TYMP: variants seen among roughly 807,000 people sequenced by gnomAD.
TYMP encodes gliostatin.
In TYMP, 46 loss-of-function variants were observed where a neutral mutation model predicts 42.3. The observed-to-expected ratio is 1.09, with a 90% CI of 0.86 to 1.39. The LOEUF (loss-of-function observed/expected upper bound fraction) is 1.39. Among genes scored for constraint, TYMP ranks in the 40% most tolerant of loss-of-function variants. TYMP has a pLI of 0.00. For synonymous variants in TYMP, 363 were observed against 308.0 expected (o/e 1.18, Z -1.87); for missense variants, 837 against 677.6 (o/e 1.24, Z -2.61).
Position 50,525,982 on chromosome 22 carries a change from G to A in TYMP, c.1300+19C>T. 1 of 1,398,290 alleles carries A rather than the reference G, an allele frequency of 7.2e-7. No homozygotes were observed. The highest frequency in any genetic ancestry group is 9.2e-7 in the Non-Finnish European group (1 of 1,082,562). 86.6% of individuals were successfully genotyped at this position (1,398,290 alleles called of 1,614,324 possible). A position where few individuals can be genotyped will look rare whatever the true frequency, so the allele number is the denominator to read the frequency against. ...GCTGGGCGGGGGTGCGGGGCCAGCA[G>A]GGCGGGGGCGGCGCTCACCACGGCG... On this transcript the variant is annotated intron_variant, in intron 9 of 9. Transcript: ENST00000252029.
intron 3 of TYMP, 83 bp downstream of exon 3, chr22:50,529,053 T>A (rs2069493618): frequency 6.9e-7 from 1 of 1,442,144 alleles, no homozygotes; most frequent in South Asian, 1.2e-5. Flanking sequence ...TGGGCCAGGC[T>A]TGAGGTTGGG....
Position 50,525,929 on chromosome 22 carries a change from A to G in TYMP, c.1301-11T>C. 2 of 1,465,300 alleles carry G rather than the reference A, an allele frequency of 1.4e-6. No homozygotes were observed. Among genetic ancestry groups the G allele is most frequent in the Non-Finnish European group, 9.0e-7 (1 of 1,112,740 alleles). The allele number at this position is 1,465,300 out of a possible 1,614,324, so 90.8% of individuals were successfully genotyped here. A position where few individuals can be genotyped will look rare whatever the true frequency, so the allele number is the denominator to read the frequency against. ...GGAGCCAGGGGGTCCCTGCAGAGCG[A>G]GGGGCTGTTAGAGGCCGCGCGGCCG... On this transcript the variant is annotated splice_polypyrimidine_tract_variant and intron_variant, in intron 9 of 9. Transcript: ENST00000252029.
chr22:50,529,253 C>T lies in TYMP; in HGVS notation c.300G>A (p.Gln100=), dbSNP rs2148682801. Residue 100 remains glutamine (Q), a synonymous_variant, in exon 3 of 10, where the codon CAG becomes CAA. Transcript: ENST00000252029. ...VLTQALAQSG[Q]QLEWPEAWRQ... is the part of the protein sequence containing the mutation. ...GCCAGGCCTCTGGCCACTCCAGCTG[C>T]TGTCCCGACTGAGCCAGGGCCTGGG... 1 of 1,613,324 alleles carries T rather than the reference C, an allele frequency of 6.2e-7. No homozygotes were observed. The highest frequency in any genetic ancestry group is 1.1e-5 in the South Asian group (1 of 91,088).
chr22:50,528,480 T>C (rs1182708208), intron 4 of TYMP, 32 bp downstream of exon 4: 1 of 1,570,172 alleles, frequency 6.4e-7, no homozygotes, highest in Non-Finnish European at 8.8e-7. Flanking sequence ...ATCATCAACC[T>C]GGATTAATGA....
chr22:50,525,979 G>A, intron 9 of TYMP, 22 bp downstream of exon 9: 2 of 1,390,976 alleles, frequency 1.4e-6, no homozygotes, highest in Non-Finnish European at 1.9e-6. Flanking sequence ...TGCGGGGCCA[G>A]CAGGGCGGGG....
Position 50,526,495 on chromosome 22 carries a change from CTTAGGCGCGGCCGG to C in TYMP, c.929-33_929-20del. 2 of 1,516,992 alleles carry C rather than the reference CTTAGGCGCGGCCGG, an allele frequency of 1.3e-6. No individual in the cohort carries two copies. Among genetic ancestry groups the C allele is most frequent in the Non-Finnish European group, 1.8e-6 (2 of 1,136,888 alleles). 94.0% of individuals were successfully genotyped at this position (1,516,992 alleles called of 1,614,324 possible). A position where few individuals can be genotyped will look rare whatever the true frequency, so the allele number is the denominator to read the frequency against. ...GCGCCCCCTGCGGGCGGGGACGGGT[CTTAGGCGCGGCCGG>C]GTCGGGGCGGCCCCAGCGGGAAGCA... On this transcript the variant is annotated intron_variant, in intron 7 of 9. Coordinates refer to ENST00000252029, the MANE Select transcript of TYMP (RefSeq NM_001953.5).
chr22:50,527,057 G>A, intron 6 of TYMP, 108 bp downstream of exon 6: 1 of 918,122 alleles, frequency 1.1e-6, no homozygotes, highest in Non-Finnish European at 1.8e-6. Context: ...GGTGGGACTG[G>A]GGTTAGGCAG....
rs758816157 is a variant in TYMP at position 50,526,758 on chromosome 22, C to T, written c.766-20G>A. ...GCCAACCTGCGGAGAGGAGGCTCAG[C>T]GTGGACCCCCCATGGCGGGGCCTTC... On this transcript the variant is annotated intron_variant, in intron 6 of 9. Coordinates refer to ENST00000252029, the MANE Select transcript of TYMP (RefSeq NM_001953.5). The T allele has an allele frequency of 3.9e-6, 6 of 1,533,278 alleles. No homozygotes were observed. The South Asian group carries it at 4.8e-5, about 12-fold the overall frequency. The allele number at this position is 1,533,278 out of a possible 1,614,324, so 95.0% of individuals were successfully genotyped here. A position where few individuals can be genotyped will look rare whatever the true frequency, so the allele number is the denominator to read the frequency against.
chr22:50,527,233 C>A lies in TYMP; in HGVS notation c.697G>T (p.Asp233Tyr). 1 of 1,613,694 alleles carries A rather than the reference C, an allele frequency of 6.2e-7. No individual in the cohort carries two copies. The highest frequency in any genetic ancestry group is 1.1e-5 in the South Asian group (1 of 91,086). Reference protein sequence around the residue: ...LVEGLSALVVDVKFGGAAVFP... With the variant: ...LVEGLSALVVYVKFGGAAVFP... ...ACGGCGGCCCCTCCGAACTTAACGT[C>A]CACCACCAGAGCGGACAGCCCCTCC... Residue 233 changes from aspartate to tyrosine, a missense_variant, in exon 6 of 10, where the codon GAC becomes TAC. Physicochemically the swap from Asp to Tyr is radical, Grantham distance 160 (BLOSUM62 -3). Transcript: ENST00000252029.
Position 50,526,580 on chromosome 22 carries a change from C to A in TYMP, c.924G>T (p.Thr308=), listed in dbSNP as rs1470959449. The A allele has an allele frequency of 5.1e-6, 8 of 1,574,650 alleles. No individual in the cohort carries two copies. In the Admixed American group the frequency reaches 7.2e-5, roughly 14 times the overall value. The change falls in exon 7 of 10, where the codon ACG becomes ACT. Residue 308 remains threonine, a synonymous_variant. Transcript: ENST00000252029. ...GPPDLRDLVT[T]LGGALLWLSG... is the part of the protein sequence containing the mutation. ...CCTACACCCCGTCCCCCTCACCGAG[C>A]GTGGTGACCAGGTCCCTTAAGTCTG...
In TYMP at chr22:50,525,925, A is replaced by G; in HGVS notation, c.1301-7T>C. On this transcript the variant is annotated splice_region_variant and splice_polypyrimidine_tract_variant and intron_variant, in intron 9 of 9. Transcript: ENST00000252029. ...ACGCGGAGCCAGGGGGTCCCTGCAGAGCGAGGGGCTGTTAGAGGCCGCGCG... is the reference window on the plus strand; with the variant it reads ...ACGCGGAGCCAGGGGGTCCCTGCAGGGCGAGGGGCTGTTAGAGGCCGCGCG... 6.7e-7 allele frequency: 1 copy of G among 1,492,388 alleles called. No individual in the cohort carries two copies. Among genetic ancestry groups the G allele is most frequent in the Non-Finnish European group, 8.9e-7 (1 of 1,125,072 alleles). 92.4% of individuals were successfully genotyped at this position (1,492,388 alleles called of 1,614,324 possible). A position where few individuals can be genotyped will look rare whatever the true frequency, so the allele number is the denominator to read the frequency against.
intron 3 of TYMP, 122 bp from the exon 4 acceptor site, chr22:50,528,732 G>C: frequency 1.3e-6 from 1 of 790,814 alleles, no homozygotes; most frequent in Non-Finnish European, 2.1e-6. Flanking sequence ...CTATAGGGGT[G>C]CCCAGCTGGT....
At chr22:50,529,428 C>T (rs1305782785) in intron 2 of TYMP, 68 bp downstream of exon 2, 3 of 1,606,396 alleles carry the variant, frequency 1.9e-6, no homozygotes, top group East Asian at 4.5e-5. Flanking sequence ...GTCGCACCCC[C>T]AGGGACCCAA....
rs1285768890 is a variant in TYMP, at chr22:50,526,137, G to C, written c.1164C>G (p.Thr388=). The part of the protein sequence containing the change: ...QEELLAPADG[T]VELVRALPLA... ...GCGGCAGCGCCCGGACCAGCTCCACGGTGCCTGCGGGGAGAGGGGCTGAGA... is the reference window on the plus strand; with the variant it reads ...GCGGCAGCGCCCGGACCAGCTCCACCGTGCCTGCGGGGAGAGGGGCTGAGA... The change falls in exon 9 of 10, where the codon ACC becomes ACG. Residue 388 remains threonine, a synonymous_variant. Coordinates refer to ENST00000252029, the MANE Select transcript of TYMP (RefSeq NM_001953.5). 6.1e-6 allele frequency: 9 copies of C among 1,484,526 alleles called. No individual in the cohort carries two copies. Among genetic ancestry groups the C allele is most frequent in the Non-Finnish European group, 7.1e-6 (8 of 1,124,658 alleles). 92.0% of individuals were successfully genotyped at this position (1,484,526 alleles called of 1,614,324 possible).
chr22:50,529,206 T>A lies in TYMP; in HGVS notation c.347A>T (p.His116Leu). ...EAWRQQLVDK[H>L]STGGVGDKVS... ...CTTGTCACCCACACCCCCTGTGGAATGCTTGTCCACAAGCTGCTGGCGCCA... is the reference window on the plus strand; with the variant it reads ...CTTGTCACCCACACCCCCTGTGGAAAGCTTGTCCACAAGCTGCTGGCGCCA... Residue 116 changes from histidine (H) to leucine (L), a missense_variant, in exon 3 of 10, where the codon CAT becomes CTT. Physicochemically the swap from His to Leu is moderately conservative, Grantham distance 99 (BLOSUM62 -3). Coordinates refer to ENST00000252029, the MANE Select transcript of TYMP (RefSeq NM_001953.5). 6.2e-7 allele frequency: 1 copy of A among 1,613,328 alleles called. No individual in the cohort carries two copies. Among genetic ancestry groups the A allele is most frequent in the Non-Finnish European group, 8.5e-7 (1 of 1,180,006 alleles).
Position 50,525,874 on chromosome 22 carries a change from C to T in TYMP, c.1345G>A (p.Gly449Ser). ...RVHRDGPALS[G>S]PQSRALQEAL... ...TCCTGCAGGGCGCGGCTCTGCGGGC[C>T]GCTGAGCGCGGGGCCGTCCCGGTGC... The change falls in exon 10 of 10, where the codon GGC becomes AGC. Residue 449 changes from glycine (G) to serine (S), a missense_variant. Coordinates refer to ENST00000252029, the MANE Select transcript of TYMP (RefSeq NM_001953.5). 3.1e-6 allele frequency: 5 copies of T among 1,590,864 alleles called. No individual in the cohort carries two copies. Among genetic ancestry groups the T allele is most frequent in the Non-Finnish European group, 4.3e-6 (5 of 1,169,668 alleles).
At chr22:50,526,535 C>A (rs2069388539) in intron 7 of TYMP, 41 bp downstream of exon 7, 1 of 1,539,572 alleles carries the variant, frequency 6.5e-7, no homozygotes, top group Non-Finnish European at 8.7e-7. Context: ...GCGGGAAGCA[C>A]CCCCCGCCGC....
At chr22:50,526,191 C>CGGGAA in intron 8 of TYMP, 50 bp from the exon 9 acceptor site, 3 of 1,477,738 alleles carry the variant, frequency 2.0e-6, no homozygotes, top group Middle Eastern at 1.9e-4. Context: ...GGCGGGGCCT[C>CGGGAA]GGGAAGGGAA....
Position 50,529,967 on chromosome 22 carries a change from G to A in TYMP, c.-74C>T, listed in dbSNP as rs1235847706. The A allele has an allele frequency of 5.2e-6, 3 of 573,084 alleles. No individual in the cohort carries two copies. Among genetic ancestry groups the A allele is most frequent in the Non-Finnish European group, 9.4e-6 (3 of 320,362 alleles). 35.5% of individuals were successfully genotyped at this position (573,084 alleles called of 1,614,324 possible). ...CCAGCCCAGGTACCCGGCCTCGCCC[G>A]CGGGTCGGGACCGTAGGGTTCAGGG... On this transcript the variant is annotated 5_prime_UTR_variant, in exon 1 of 10. Transcript: ENST00000252029.
Sources: gnomAD v4.1 joint callset for allele counts on GRCh38, gnomAD v4.1.1 for gene constraint, MANE v1.5 for transcripts, NCBI Gene and HGNC (gene_info 2026-07-23, HGNC 2026-07-21) for gene names.